GFRA1: variants seen among roughly 807,000 people sequenced by gnomAD.
GFRA1 encodes GDNF family receptor alpha-1.
In GFRA1, 16 loss-of-function variants were observed where a neutral mutation model predicts 51.6. The ratio of observed to expected loss-of-function variants is 0.31; its 90% CI spans 0.21 to 0.47. The LOEUF (loss-of-function observed/expected upper bound fraction) is 0.47. Among genes scored for constraint, GFRA1 ranks in the 20% least tolerant of loss-of-function variants. The pLI, the probability that GFRA1 is intolerant of heterozygous loss-of-function variation, is 1.00. For synonymous variants in GFRA1, 270 were observed against 241.3 expected (o/e 1.12, Z -1.10); for missense variants, 530 against 594.3 (o/e 0.89, Z 1.13).
At chr10:116,230,623 G>A (rs1966617248) in intron 4 of GFRA1, among the ~76,000 whole-genome samples, 1 of 151,910 alleles carries the variant, frequency 6.6e-6, no homozygotes, top group African/African-American at 2.4e-5. Context: ...TTTCAACTCT[G>A]AAAGTATTTA....
chr10:116,262,698 A>AG (rs1969383456), intron 4 of GFRA1, among the ~76,000 whole-genome samples: 2 of 152,126 alleles, frequency 1.3e-5, no homozygotes, highest in Non-Finnish European at 2.9e-5. Flanking sequence ...TGGATTGCTG[A>AG]GGGGCAGGAC....
intron 6 of GFRA1, among the ~76,000 whole-genome samples, chr10:116,103,902 T>G (rs1956908243): frequency 6.6e-6 from 1 of 152,206 alleles, no homozygotes; most frequent in Non-Finnish European, 1.5e-5. Flanking sequence ...GTGTTGCTAT[T>G]GCTGTCTGGG....
chr10:116,090,327 A>C (rs2133876079), intron 8 of GFRA1, among the ~76,000 whole-genome samples: 1 of 152,174 alleles, frequency 6.6e-6, no homozygotes, highest in Non-Finnish European at 1.5e-5. Flanking sequence ...ATTCTATATT[A>C]AAAGGAAACT....
intron 7 of GFRA1, among the ~76,000 whole-genome samples, chr10:116,095,312 A>G (rs189735465): frequency 8.5e-5 from 13 of 152,356 alleles, no homozygotes; most frequent in Admixed American, 8.5e-4. Flanking sequence ...AGATGTAGAC[A>G]CTGTTAGCAG....
At chr10:116,117,582 T>TGGATGGAC (rs1957474369) in intron 6 of GFRA1, among the ~76,000 whole-genome samples, 1 of 149,680 alleles carries the variant, frequency 6.7e-6, no homozygotes. Context: ...GATGGATGGA[T>TGGATGGAC]GGATGGATGG....
chr10:116,155,704 C>T (rs1392513044), intron 5 of GFRA1, among the ~76,000 whole-genome samples: 2 of 152,140 alleles, frequency 1.3e-5, no homozygotes, highest in African/African-American at 4.8e-5. Context: ...AATTATTTTC[C>T]TAGTGCCTCA....
chr10:116,198,459 C>T (rs1964070923), intron 5 of GFRA1, among the ~76,000 whole-genome samples: 1 of 152,212 alleles, frequency 6.6e-6, no homozygotes, highest in African/African-American at 2.4e-5. Context: ...ACAGCTTTGT[C>T]TGTTCTGTAA....
At chr10:116,153,632 CTAAGAAATGAGAAACTA>C (rs544996982) in intron 5 of GFRA1, among the ~76,000 whole-genome samples, 387 of 152,212 alleles carry the variant, frequency 2.5e-3, no homozygotes, top group Middle Eastern at 0.017. Flanking sequence ...AATATAGCTT[CTAAGAAATGAGAAACTA>C]TAAGAAATGA....
At chr10:116,205,139 TTGAC>T (rs1964630174) in intron 5 of GFRA1, among the ~76,000 whole-genome samples, 1 of 152,194 alleles carries the variant, frequency 6.6e-6, no homozygotes, top group African/African-American at 2.4e-5. Context: ...AATGCTGTCA[TTGAC>T]TGAACCACTG....
chr10:116,153,280 T>C (rs1192668391), intron 5 of GFRA1, among the ~76,000 whole-genome samples: 3 of 152,166 alleles, frequency 2.0e-5, no homozygotes, highest in Non-Finnish European at 2.9e-5. Flanking sequence ...GAATGAAGCA[T>C]TTCCCAGAGC....
intron 4 of GFRA1, among the ~76,000 whole-genome samples, chr10:116,217,955 T>C (rs1298675235): frequency 1.3e-5 from 2 of 152,212 alleles, no homozygotes; most frequent in Non-Finnish European, 1.5e-5. Context: ...AAAGGAATCA[T>C]GAGAGGAAAA....
At chr10:116,164,262 G>A (rs551684614) in intron 5 of GFRA1, among the ~76,000 whole-genome samples, 8 of 151,890 alleles carry the variant, frequency 5.3e-5, no homozygotes, top group South Asian at 2.1e-4. Flanking sequence ...CATAACCTGC[G>A]GCATCCTACC....
At chr10:116,176,680 A>T (rs1453784389) in intron 5 of GFRA1, among the ~76,000 whole-genome samples, 2 of 151,960 alleles carry the variant, frequency 1.3e-5, no homozygotes, top group Admixed American at 1.3e-4. Context: ...TTATAGCAAC[A>T]CAAGAATGGC....
At position 116,064,601 on chromosome 10, in the gene GFRA1, A is replaced by ATACTT; in HGVS notation, c.1252-62_1252-58dup. 2.7e-6 allele frequency: 4 copies of ATACTT among 1,495,054 alleles called. No individual in the cohort carries two copies. In the South Asian group the frequency reaches 4.5e-5, roughly 17 times the overall value. 92.6% of individuals were successfully genotyped at this position (1,495,054 alleles called of 1,614,324 possible). ...CTGCATGTCTTCATTCTACCACAGT[A>ATACTT]TACTTTACACTCTCTCTCCCCCCGA... On this transcript the variant is annotated intron_variant, in intron 10 of 10. Transcript: ENST00000355422.
chr10:116,081,495 C>T (rs1001880594), intron 9 of GFRA1, among the ~76,000 whole-genome samples: 29 of 152,164 alleles, frequency 1.9e-4, no homozygotes, highest in Non-Finnish European at 1.9e-4. Flanking sequence ...TACAGTGTAG[C>T]CATTTATAAT....
chr10:116,200,791 C>T (rs956454691), intron 5 of GFRA1, among the ~76,000 whole-genome samples: 1 of 152,196 alleles, frequency 6.6e-6, no homozygotes, highest in African/African-American at 2.4e-5. Flanking sequence ...AAAGGCCCCA[C>T]TTTCTAATGC....
chr10:116,232,164 G>GT lies in GFRA1; in HGVS notation c.419-20520_419-20519insA, dbSNP rs528695496. The stretch of plus-strand genomic sequence containing the variant: ...TCAAACCATCCATACTTGGATAGTT[G>GT]GACTCTGCAACCTACTAAAACAAAC... On this transcript the variant is annotated intron_variant, in intron 4 of 10. Transcript: ENST00000355422. 2.0e-4 allele frequency among the ~76,000 whole-genome samples: 31 copies of GT among 152,214 alleles called. No individual in the cohort carries two copies. The East Asian group carries it at 5.6e-3, about 27-fold the overall frequency.
chr10:116,238,955 G>A (rs1263787856), intron 4 of GFRA1, among the ~76,000 whole-genome samples: 3 of 152,074 alleles, frequency 2.0e-5, no homozygotes, highest in African/African-American at 2.4e-5. Context: ...CAGTTCCCTC[G>A]ACTGGGTTCA....
At chr10:116,231,149 T>C (rs1293038940) in intron 4 of GFRA1, among the ~76,000 whole-genome samples, 1 of 152,328 alleles carries the variant, frequency 6.6e-6, no homozygotes, top group East Asian at 1.9e-4. Flanking sequence ...AGCTGGACTT[T>C]AAGCCGATGC....
Sources: gnomAD v4.1 joint callset for allele counts (sites outside exome capture counted in the v4.1 genomes callset) on GRCh38, gnomAD v4.1.1 for gene constraint, MANE v1.5 for transcripts, NCBI Gene and HGNC (gene_info 2026-07-23, HGNC 2026-07-21) for gene names.